RBFOX1: variants seen among roughly 807,000 people sequenced by gnomAD.
RBFOX1 encodes RNA binding protein fox-1 homolog 1.
RBFOX1 carries 8 observed loss-of-function variants against 57.7 expected under a neutral mutation model. That is an observed-to-expected ratio of 0.14 (90% CI 0.08 to 0.25). RBFOX1 has a LOEUF of 0.25. Ranked by LOEUF, RBFOX1 falls within the 10% of genes least tolerant of loss-of-function variation. The pLI is 1.00. For missense variants in RBFOX1, 611 were observed against 548.5 expected (o/e 1.11, Z -1.14); for synonymous variants, 326 against 222.4 (o/e 1.47, Z -4.15).
chr16:5,248,460 A>T lies in RBFOX1; in HGVS notation c.219+8355A>T, dbSNP rs567404938. Among the ~76,000 whole-genome samples the T allele has an allele frequency of 8.5e-5, 13 of 152,206 alleles. No individual in the cohort carries two copies. In the South Asian group the frequency reaches 2.3e-3, roughly 27 times the overall value. On this transcript the variant is annotated intron_variant, in intron 1 of 2. Transcript: ENST00000585867. ...TTCTGGGGGCAGCCTTTCCCCTTCT[A>T]TTCGGCCGCAGCTGGAAGGGGGCAG... is the stretch of plus-strand genomic sequence containing the variant.
chr16:7,369,979 G>A (rs953267187), intron 4 of RBFOX1, among the ~76,000 whole-genome samples: 1 of 152,182 alleles, frequency 6.6e-6, no homozygotes, highest in African/African-American at 2.4e-5. Flanking sequence ...AGAGCCTTGA[G>A]CTAGGCTTTC....
chr16:6,298,550 C>CTG (rs1432186839), intron 1 of RBFOX1, among the ~76,000 whole-genome samples: 3 of 152,168 alleles, frequency 2.0e-5, no homozygotes, highest in Admixed American at 2.0e-4. Flanking sequence ...TTGAACGCAG[C>CTG]TGTAAAGTGC....
chr16:5,928,171 G>A (rs969713776), intron 4 of RBFOX1, among the ~76,000 whole-genome samples: 2 of 152,112 alleles, frequency 1.3e-5, no homozygotes, highest in Admixed American at 6.5e-5. Context: ...ACAGCTCACT[G>A]TAGCCTTGAT....
At chr16:6,837,587 C>G (rs548308445) in intron 3 of RBFOX1, among the ~76,000 whole-genome samples, 3 of 152,310 alleles carry the variant, frequency 2.0e-5, no homozygotes, top group South Asian at 4.1e-4. Context: ...TTTTGAGCCT[C>G]TACTGGGAAC....
chr16:7,519,740 C>T lies in RBFOX1; in HGVS notation c.270+1351C>T, dbSNP rs796999095. 52 of 982,246 alleles carry T rather than the reference C, an allele frequency of 5.3e-5. No individual in the cohort carries two copies. The African/African-American group carries it at 7.5e-4, about 14-fold the overall frequency. 60.8% of individuals were successfully genotyped at this position (982,246 alleles called of 1,614,324 possible). A position where few individuals can be genotyped will look rare whatever the true frequency, so the allele number is the denominator to read the frequency against. ...AGGCAATTCTGCCTCTTCGTCCTGTCCCAAGACCTCAGGAAAGCAAGTATT... is the reference window on the plus strand; with the variant it reads ...AGGCAATTCTGCCTCTTCGTCCTGTTCCAAGACCTCAGGAAAGCAAGTATT... On this transcript the variant is annotated intron_variant, in intron 5 of 15. Coordinates refer to ENST00000550418, the MANE Select transcript of RBFOX1 (RefSeq NM_018723.4).
intron 1 of RBFOX1, among the ~76,000 whole-genome samples, chr16:5,443,491 C>T (rs2151545224): frequency 6.6e-6 from 1 of 152,308 alleles, no homozygotes; most frequent in Non-Finnish European, 1.5e-5. Flanking sequence ...GCACACGCCA[C>T]CACGCCCAGC....
At chr16:6,889,408 C>G (rs1306441954) in intron 3 of RBFOX1, among the ~76,000 whole-genome samples, 1 of 152,182 alleles carries the variant, frequency 6.6e-6, no homozygotes, top group Admixed American at 6.5e-5. Flanking sequence ...TATGACGGCT[C>G]TGTCAACTTG....
At position 7,687,886 on chromosome 16, in the gene RBFOX1, C is replaced by T. The variant is rs2076404013; in HGVS notation, c.995+11048C>T. ...GAGATGAGTTCTCCGTGCTGGCTGA[C>T]AGATGAGAATCAACCCCAGGGGTTT... On this transcript the variant is annotated intron_variant, in intron 14 of 15. Transcript: ENST00000550418. Among the ~76,000 whole-genome samples the T allele has an allele frequency of 2.0e-5, 3 of 151,982 alleles. No individual in the cohort carries two copies. The South Asian group carries it at 6.2e-4, about 32-fold the overall frequency.
At chr16:7,290,152 A>G (rs187405220) in intron 4 of RBFOX1, among the ~76,000 whole-genome samples, 1 of 152,356 alleles carries the variant, frequency 6.6e-6, no homozygotes, top group Admixed American at 6.5e-5. Flanking sequence ...TAAGAGAGAT[A>G]AAAGGAGCAG....
At chr16:6,243,137 CGTGTGTCTGTGTGT>C (rs1481105964) in intron 1 of RBFOX1, among the ~76,000 whole-genome samples, 2 of 150,326 alleles carry the variant, frequency 1.3e-5, no homozygotes, top group African/African-American at 4.9e-5. Context: ...GATATTTATA[CGTGTGTCTGTGTGT>C]GTGTGTGTGT....
rs544409324 is a variant in RBFOX1 at position 7,324,065 on chromosome 16, G to T, written c.28-194082G>T. Among the ~76,000 whole-genome samples the T allele has an allele frequency of 2.0e-5, 3 of 152,140 alleles. No homozygotes were observed. In the South Asian group the frequency reaches 6.2e-4, roughly 32 times the overall value. On this transcript the variant is annotated intron_variant, in intron 4 of 15. Coordinates refer to ENST00000550418, the MANE Select transcript of RBFOX1 (RefSeq NM_018723.4). The stretch of plus-strand genomic sequence containing the variant: ...TTTTCTTCTTTACAGGACTTCTCAG[G>T]TGCTTTTATATGCTAATAGTCATCA...
chr16:6,872,390 C>G (rs972147544), intron 3 of RBFOX1, among the ~76,000 whole-genome samples: 1 of 152,032 alleles, frequency 6.6e-6, no homozygotes, highest in African/African-American at 2.4e-5. Flanking sequence ...TTTACTATGA[C>G]CATAGCTCTT....
chr16:7,353,796 G>T (rs765966338), intron 4 of RBFOX1, among the ~76,000 whole-genome samples: 10 of 152,144 alleles, frequency 6.6e-5, no homozygotes, highest in Non-Finnish European at 8.8e-5. Flanking sequence ...ATTGCTAAGG[G>T]CTGAGGGGAG....
intron 4 of RBFOX1, among the ~76,000 whole-genome samples, chr16:7,062,102 G>C (rs2054488806): frequency 1.3e-5 from 2 of 152,028 alleles, no homozygotes; most frequent in African/African-American, 4.8e-5. Context: ...CTGATCAGCA[G>C]GTCAGGAGAT....
At chr16:5,543,411 C>T (rs560100956) in intron 2 of RBFOX1, among the ~76,000 whole-genome samples, 15 of 152,144 alleles carry the variant, frequency 9.9e-5, no homozygotes, top group East Asian at 3.9e-4. Flanking sequence ...GTGAAATCAA[C>T]GGCGGATTAG....
intron 3 of RBFOX1, among the ~76,000 whole-genome samples, chr16:7,030,274 G>A (rs58598916): frequency 0.054 from 8,205 of 152,184 alleles, 398 homozygotes; most frequent in East Asian, 0.2. Context: ...GTTTAATGGA[G>A]TCAGGACTTT....
chr16:6,824,241 C>T (rs7206761), intron 3 of RBFOX1, among the ~76,000 whole-genome samples: 53,422 of 151,906 alleles, frequency 0.35, 10,514 homozygotes, highest in East Asian at 0.64. Context: ...TCCATCTCCA[C>T]TAAAAATACA....
chr16:6,217,597 C>A (rs1264935682), intron 1 of RBFOX1, among the ~76,000 whole-genome samples: 1 of 152,184 alleles, frequency 6.6e-6, no homozygotes, highest in Non-Finnish European at 1.5e-5. Context: ...TGGGTGTACC[C>A]ACATCGTGGT....
chr16:6,100,742 A>G (rs1432918326), intron 1 of RBFOX1, among the ~76,000 whole-genome samples: 3 of 152,212 alleles, frequency 2.0e-5, no homozygotes, highest in Admixed American at 2.0e-4. Context: ...CCGGTCCATC[A>G]ATCTTAATTA....
Sources: gnomAD v4.1 joint callset for allele counts (sites outside exome capture counted in the v4.1 genomes callset) on GRCh38, gnomAD v4.1.1 for gene constraint, MANE v1.5 for transcripts, NCBI Gene and HGNC (gene_info 2026-07-23, HGNC 2026-07-21) for gene names.